Variants in ZHX1 observed in about 807,000 individuals in gnomAD.
The protein encoded by ZHX1 is zinc fingers and homeoboxes 1.
Under a neutral mutation model 61.8 loss-of-function variants are expected in ZHX1, and 20 were observed. The observed-to-expected ratio is 0.32, with a 90% CI of 0.23 to 0.47. ZHX1 has a LOEUF of 0.47. Ranked by LOEUF, ZHX1 falls within the 20% of genes least tolerant of loss-of-function variation. The probability of loss-of-function intolerance (pLI) is 1.00; values close to 1 mark genes in which losing one functional copy is unlikely to be tolerated. For synonymous variants in ZHX1, 318 were observed against 352.6 expected, an observed-to-expected ratio of 0.90 and a Z score of 1.10; for missense variants, 800 against 1,034.8, an observed-to-expected ratio of 0.77 and a Z score of 3.11.
In ZHX1 at chr8:123,256,141, T is replaced by G. The variant is rs1252638875; in HGVS notation, c.-195A>C. On this transcript the variant is annotated 5_prime_UTR_variant, in exon 3 of 4. Transcript: ENST00000395571. ...TTGGCAGATAAAATACTGCTGAATT[T>G]CTGAAATTTTTGAAGCACAACTCCA... The G allele has an allele frequency of 6.8e-6, 3 of 443,608 alleles. No homozygotes were observed. The highest frequency in any genetic ancestry group is 1.2e-5 in the Non-Finnish European group (3 of 246,956). The allele number at this position is 443,608 out of a possible 1,614,324, so 27.5% of individuals were successfully genotyped here.
chr8:123,249,662 T>TTCC lies in ZHX1; in HGVS notation c.*661_*662insGGA, dbSNP rs1825863122. ...GAACAAGTAACAGTAGAAACAGTGG[T>TTCC]ATTCATGGATGTGTTTAATGAAGGA... On this transcript the variant is annotated 3_prime_UTR_variant, in exon 4 of 4. Coordinates refer to ENST00000395571, the MANE Select transcript of ZHX1 (RefSeq NM_007222.5). The TTCC allele has an allele frequency of 6.6e-6, 1 of 152,104 alleles. No individual in the cohort carries two copies. The highest frequency in any genetic ancestry group is 1.5e-5 in the Non-Finnish European group (1 of 67,964). 9.4% of individuals were successfully genotyped at this position (152,104 alleles called of 1,614,324 possible).
Position 123,255,251 on chromosome 8 carries a change from A to T in ZHX1, c.696T>A (p.Ser232=). 6.2e-7 allele frequency: 1 copy of T among 1,614,218 alleles called. No individual in the cohort carries two copies. Among genetic ancestry groups the T allele is most frequent in the East Asian group, 2.2e-5 (1 of 44,888 alleles). The change falls in exon 3 of 4, where the codon TCT becomes TCA. Residue 232 remains serine, a synonymous_variant. Transcript: ENST00000395571. ...TGTTTACAATGGAAGTACTTGTATT[A>T]GATTCAGAAGCTGAAGAACTTGGAT... ...VENPSSSASE[S]NTSTSIVNRI... is the part of the protein sequence containing the mutation.
At chr8:123,274,690 C>T (rs1826789411), upstream of ZHX1, among the ~76,000 whole-genome samples, 1 of 151,790 alleles carries the variant, frequency 6.6e-6, no homozygotes, top group Non-Finnish European at 1.5e-5. Flanking sequence ...CTTCCCAGGG[C>T]TCGAAATGGC....
chr8:123,260,247 G>A (rs780102304), intron 2 of ZHX1, among the ~76,000 whole-genome samples: 4 of 152,230 alleles, frequency 2.6e-5, no homozygotes, highest in East Asian at 1.9e-4. Context: ...CAAATTCCAC[G>A]AATCTTACAA....
chr8:123,256,674 G>T (rs1826077838), intron 2 of ZHX1, among the ~76,000 whole-genome samples: 1 of 151,340 alleles, frequency 6.6e-6, no homozygotes, highest in Non-Finnish European at 1.5e-5. Context: ...TGAGGTAGGA[G>T]AATCGCTTGA....
At chr8:123,261,936 G>A (rs1826284772) in intron 2 of ZHX1, among the ~76,000 whole-genome samples, 1 of 152,080 alleles carries the variant, frequency 6.6e-6, no homozygotes, top group South Asian at 2.1e-4. Flanking sequence ...TGTCATTAAA[G>A]TGCAATGGGA....
At chr8:123,260,310 T>TA (rs2131203415) in intron 2 of ZHX1, among the ~76,000 whole-genome samples, 1 of 151,944 alleles carries the variant, frequency 6.6e-6, no homozygotes, top group African/African-American at 2.4e-5. Context: ...GCCTTTTGCT[T>TA]AAAACTTAAA....
At chr8:123,275,010 G>T (rs1317830310), upstream of ZHX1, among the ~76,000 whole-genome samples, 1 of 152,124 alleles carries the variant, frequency 6.6e-6, no homozygotes, top group African/African-American at 2.4e-5. Flanking sequence ...TTCGGACCCC[G>T]CTCCTCCGCG....
chr8:123,265,648 G>T (rs1004655403), intron 2 of ZHX1, among the ~76,000 whole-genome samples: 4 of 152,142 alleles, frequency 2.6e-5, no homozygotes, highest in Non-Finnish European at 5.9e-5. Flanking sequence ...TTAGGAATTT[G>T]ACAACACAAA....
chr8:123,266,128 T>C (rs1183351260), intron 2 of ZHX1, among the ~76,000 whole-genome samples: 8 of 152,224 alleles, frequency 5.3e-5, no homozygotes, highest in Non-Finnish European at 8.8e-5. Flanking sequence ...GAAAGTGATA[T>C]ATAAACTAGC....
Position 123,254,768 on chromosome 8 carries a change from C to T in ZHX1, c.1179G>A (p.Gln393=), listed in dbSNP as rs1418361798. The T allele has an allele frequency of 4.3e-6, 7 of 1,614,062 alleles. No homozygotes were observed. The East Asian group carries it at 8.9e-5, about 21-fold the overall frequency. The change falls in exon 3 of 4, where the codon CAG becomes CAA. Residue 393 remains glutamine, a synonymous_variant. Coordinates refer to ENST00000395571, the MANE Select transcript of ZHX1 (RefSeq NM_007222.5). The surrounding 1 kb of genome is among the most constrained non-coding windows in gnomAD (Gnocchi z 4.1). The part of the protein sequence containing the change: ...SILQTCQIVG[Q]PGLVLTQVAG... ...CCACTTGAGTAAGGACCAGACCAGG[C>T]TGACCAACTATTTGGCATGTCTGTA...
rs146808498 is a variant in ZHX1, at chr8:123,259,103, G to C, written c.-225-2932C>G. ...AAGGACGGTAAAATCCTCCTCACTG[G>C]AATTATTCAAATACAGACTACACAT... On this transcript the variant is annotated intron_variant, in intron 2 of 3. Coordinates refer to ENST00000395571, the MANE Select transcript of ZHX1 (RefSeq NM_007222.5). Among the ~76,000 whole-genome samples the C allele has an allele frequency of 6.6e-5, 10 of 152,256 alleles. No homozygotes were observed. The East Asian group carries it at 1.9e-3, about 29-fold the overall frequency.
At chr8:123,272,210 C>T (rs1826679694) in intron 1 of ZHX1, among the ~76,000 whole-genome samples, 1 of 152,172 alleles carries the variant, frequency 6.6e-6, no homozygotes, top group Non-Finnish European at 1.5e-5. Context: ...ATCAGTTACC[C>T]AAGTATTACC....
rs990742356 is a variant in ZHX1, at chr8:123,270,090, C to T, written c.-339-2704G>A. ...GATATAAGTAATTTTATCATAGTAACGAGGAGAAATTGTTCTCATGATCTT... is the reference window on the plus strand; with the variant it reads ...GATATAAGTAATTTTATCATAGTAATGAGGAGAAATTGTTCTCATGATCTT... On this transcript the variant is annotated intron_variant, in intron 1 of 3. Coordinates refer to ENST00000395571, the MANE Select transcript of ZHX1 (RefSeq NM_007222.5). Among the ~76,000 whole-genome samples, 5 of 152,160 alleles carry T rather than the reference C, an allele frequency of 3.3e-5. No individual in the cohort carries two copies. In the South Asian group the frequency reaches 6.2e-4, roughly 19 times the overall value.
At chr8:123,270,696 G>C (rs1265197575) in intron 1 of ZHX1, among the ~76,000 whole-genome samples, 3 of 151,362 alleles carry the variant, frequency 2.0e-5, no homozygotes, top group African/African-American at 7.3e-5. Context: ...TGAGGAGAAA[G>C]GATCGCTTGA....
chr8:123,255,884 G>A lies in ZHX1; in HGVS notation c.63C>T (p.Asp21=). The change falls in exon 3 of 4, where the codon GAC becomes GAT. Residue 21 remains aspartate, a synonymous_variant. Transcript: ENST00000395571. ...CATCCAAATCTGATATCAACTCAAG[G>A]TCTGGATCTTGTTCACTGGCAAGGA... The part of the protein sequence containing the change: ...CMVLASEQDP[D]LELISDLDEG... The A allele has an allele frequency of 1.9e-6, 3 of 1,614,080 alleles. No individual in the cohort carries two copies. The highest frequency in any genetic ancestry group is 2.5e-6 in the Non-Finnish European group (3 of 1,180,014).
In ZHX1 at chr8:123,260,317, T is replaced by TA. The variant is rs199790732; in HGVS notation, c.-225-4147dup. 6.3e-3 allele frequency among the ~76,000 whole-genome samples: 961 copies of TA among 151,984 alleles called. 10 individuals are homozygous for TA. The highest frequency in any genetic ancestry group is 0.022 in the African/African-American group (916 of 41,480). On this transcript the variant is annotated intron_variant, in intron 2 of 3. Transcript: ENST00000395571. ...GTTTAAAAGCCTTTTGCTTAAAACT[T>TA]AAACATATCGGCTGGGTGCGCCTGT...
At chr8:123,257,796 G>A (rs1483263761) in intron 2 of ZHX1, among the ~76,000 whole-genome samples, 1 of 152,074 alleles carries the variant, frequency 6.6e-6, no homozygotes, top group Non-Finnish European at 1.5e-5. Context: ...CTTCTGCTGT[G>A]CGGCCCAGTT....
intron 2 of ZHX1, among the ~76,000 whole-genome samples, chr8:123,266,330 C>T (rs866999270): frequency 8.5e-5 from 13 of 152,176 alleles, no homozygotes; most frequent in Non-Finnish European, 1.9e-4. Flanking sequence ...TTCATCTGGT[C>T]ATTATCTTCC....
Sources: allele counts gnomAD v4.1 joint callset (sites outside exome capture counted in the v4.1 genomes callset), GRCh38; gene constraint gnomAD v4.1.1; non-coding constraint Gnocchi (gnomAD v3.1); transcripts MANE v1.5; gene names NCBI Gene and HGNC (gene_info 2026-07-23, HGNC 2026-07-21).